Variants in PHLDB2 observed in about 807,000 individuals in gnomAD.
The protein encoded by PHLDB2 is pleckstrin homology like domain family B member 2.
In PHLDB2, 71 loss-of-function variants were observed where a neutral mutation model predicts 123.6. That is an observed-to-expected ratio of 0.57 (90% CI 0.47 to 0.70). The LOEUF (loss-of-function observed/expected upper bound fraction) is 0.70. Ranked by LOEUF, PHLDB2 falls within the 30% of genes least tolerant of loss-of-function variation. PHLDB2 has a pLI of 0.00. For synonymous variants in PHLDB2, 547 were observed against 541.6 expected (o/e 1.01, Z -0.14); for missense variants, 1,446 against 1,519.5 (o/e 0.95, Z 0.80).
chr3:111,884,959 C>T lies in PHLDB2; in HGVS notation c.882C>T (p.Ser294=), dbSNP rs148440828. ...TKLGEKDLPH[S]VIDNDNYLNF... is the part of the protein sequence containing the mutation. ...TTGGGGAAAAGGATCTACCTCATAG[C>T]GTAATAGACAATGACAATTACCTTA... is the stretch of plus-strand genomic sequence containing the variant. Residue 294 remains serine, a synonymous_variant, in exon 2 of 18, where the codon AGC becomes AGT. Coordinates refer to ENST00000431670, the MANE Select transcript of PHLDB2 (RefSeq NM_001134438.2). The T allele has an allele frequency of 2.9e-5, 47 of 1,613,900 alleles. No homozygotes were observed. Among genetic ancestry groups the T allele is most frequent in the East Asian group, 4.5e-5 (2 of 44,882 alleles).
intron 10 of PHLDB2, among the ~76,000 whole-genome samples, chr3:111,950,746 G>T (rs1032649396): frequency 2.4e-4 from 37 of 152,120 alleles, no homozygotes; most frequent in African/African-American, 8.9e-4. Flanking sequence ...TTTCTTGAAG[G>T]TACCTTTACC....
intron 1 of PHLDB2, among the ~76,000 whole-genome samples, chr3:111,742,062 A>G (rs910739873): frequency 5.9e-5 from 9 of 152,136 alleles, no homozygotes; most frequent in African/African-American, 9.7e-5. Context: ...CTCCAAATGT[A>G]TTTATTCTCC....
intron 1 of PHLDB2, among the ~76,000 whole-genome samples, chr3:111,745,869 T>TAGA (rs1333530592): frequency 6.6e-6 from 1 of 152,150 alleles, no homozygotes; most frequent in African/African-American, 2.4e-5. Context: ...GCCACTTGGC[T>TAGA]AGTACTTGGG....
intron 5 of PHLDB2, 106 bp downstream of exon 5, chr3:111,920,525 C>A: frequency 7.3e-7 from 1 of 1,377,472 alleles, no homozygotes; most frequent in Non-Finnish European, 9.8e-7. Context: ...ATTTGTGTGT[C>A]ATGTTCCTGG....
At chr3:111,963,330 A>G (rs1276112127) in intron 13 of PHLDB2, among the ~76,000 whole-genome samples, 3 of 152,202 alleles carry the variant, frequency 2.0e-5, no homozygotes, top group African/African-American at 7.2e-5. Context: ...ATTTTCTCAA[A>G]GGATAGGCAC....
intron 1 of PHLDB2, among the ~76,000 whole-genome samples, chr3:111,836,685 G>T (rs1195926678): frequency 6.6e-6 from 1 of 152,184 alleles, no homozygotes; most frequent in South Asian, 2.1e-4. Context: ...CATGGCTGAG[G>T]AGGCCTCAGG....
At chr3:111,968,061 G>C (rs144535434) in intron 15 of PHLDB2, among the ~76,000 whole-genome samples, 148 of 151,004 alleles carry the variant, frequency 9.8e-4, no homozygotes, top group Middle Eastern at 3.5e-3. Context: ...CTTTAGTCAT[G>C]CATGGAACGT....
At chr3:111,818,602 T>C (rs1249184216) in intron 1 of PHLDB2, among the ~76,000 whole-genome samples, 1 of 152,188 alleles carries the variant, frequency 6.6e-6, no homozygotes, top group Non-Finnish European at 1.5e-5. Flanking sequence ...CAGCTGAAGA[T>C]GGGTCTTACA....
At chr3:111,822,472 T>C (rs928678690) in intron 1 of PHLDB2, among the ~76,000 whole-genome samples, 1 of 152,122 alleles carries the variant, frequency 6.6e-6, no homozygotes, top group African/African-American at 2.4e-5. Context: ...GAACTTTCAG[T>C]GAACATATAA....
upstream of PHLDB2, among the ~76,000 whole-genome samples, chr3:111,856,757 C>T (rs7652419): frequency 0.024 from 3,704 of 152,202 alleles, 103 homozygotes; most frequent in Admixed American, 0.07. Context: ...TTTACATGTC[C>T]GGTATCCTTG....
intron 1 of PHLDB2, among the ~76,000 whole-genome samples, chr3:111,843,641 C>T (rs1175101489): frequency 1.3e-5 from 2 of 152,188 alleles, no homozygotes; most frequent in Admixed American, 6.5e-5. Context: ...ATCCTCCTGC[C>T]TCAGCCTCCC....
At chr3:111,761,913 A>G (rs2060002304) in intron 1 of PHLDB2, among the ~76,000 whole-genome samples, 1 of 152,206 alleles carries the variant, frequency 6.6e-6, no homozygotes, top group Non-Finnish European at 1.5e-5. Context: ...TGTATACATA[A>G]GAAGAATTAC....
chr3:111,950,079 A>C (rs530909320), intron 10 of PHLDB2, among the ~76,000 whole-genome samples: 2 of 152,142 alleles, frequency 1.3e-5, no homozygotes, highest in South Asian at 4.1e-4. Context: ...TAAGGTTTTG[A>C]TACCTTGAGT....
chr3:111,923,452 G>C (rs2068638464), intron 5 of PHLDB2, among the ~76,000 whole-genome samples: 1 of 152,058 alleles, frequency 6.6e-6, no homozygotes, highest in South Asian at 2.1e-4. Flanking sequence ...TCCTTCTATA[G>C]CTATGGCTTC....
chr3:111,843,679 AC>A (rs2063799181), intron 1 of PHLDB2, among the ~76,000 whole-genome samples: 2 of 152,338 alleles, frequency 1.3e-5, no homozygotes, highest in South Asian at 4.1e-4. Flanking sequence ...GCAGTGAGCC[AC>A]CATGCTTTGC....
chr3:111,961,514 T>C (rs2071409011), intron 12 of PHLDB2, among the ~76,000 whole-genome samples: 1 of 152,020 alleles, frequency 6.6e-6, no homozygotes, highest in African/African-American at 2.4e-5. Flanking sequence ...CTGAATTAAA[T>C]AAGTAATTGA....
intron 1 of PHLDB2, among the ~76,000 whole-genome samples, chr3:111,758,454 G>A (rs1031711770): frequency 3.9e-5 from 6 of 152,148 alleles, no homozygotes; most frequent in East Asian, 1.9e-4. Flanking sequence ...TAAGCTCGTC[G>A]GAAAAGCGCA....
intron 1 of PHLDB2, among the ~76,000 whole-genome samples, chr3:111,866,044 C>T (rs2065063144): frequency 2.9e-5 from 1 of 34,582 alleles, no homozygotes; most frequent in Non-Finnish European, 5.6e-5. Context: ...TTTTTGGAGA[C>T]AGAGTTGCTC....
intron 1 of PHLDB2, among the ~76,000 whole-genome samples, chr3:111,789,746 C>T (rs970678775): frequency 1.3e-5 from 2 of 151,678 alleles, no homozygotes; most frequent in African/African-American, 4.9e-5. Context: ...CTATAAACAG[C>T]GACCAACAAA....
Sources: gnomAD v4.1 joint callset for allele counts (sites outside exome capture counted in the v4.1 genomes callset) on GRCh38, gnomAD v4.1.1 for gene constraint, MANE v1.5 for transcripts, NCBI Gene and HGNC (gene_info 2026-07-23, HGNC 2026-07-21) for gene names.